The following SALL4 variants were observed in gnomAD, a reference collection of about 807,000 sequenced individuals.
The protein encoded by SALL4 is spalt like transcription factor 4.
In SALL4, 4 loss-of-function variants were observed where a neutral mutation model predicts 60.8. The observed-to-expected ratio is 0.07, with a 90% CI of 0.03 to 0.15. The LOEUF is 0.15. Among genes scored for constraint, SALL4 ranks in the 10% least tolerant of loss-of-function variants. The pLI is 1.00. For synonymous variants in SALL4, 580 were observed against 574.9 expected (o/e 1.01, Z -0.13); for missense variants, 1,178 against 1,394.7 (o/e 0.84, Z 2.48).
chr20:51,793,558 G>C (rs887808532), intron 1 of SALL4, among the ~76,000 whole-genome samples: 1 of 152,178 alleles, frequency 6.6e-6, no homozygotes, highest in Admixed American at 6.5e-5. Flanking sequence ...CTGGATTCAA[G>C]CTATTCTCAT....
chr20:51,791,727 T>C lies in SALL4; in HGVS notation c.756A>G (p.Ala252=), dbSNP rs750216739. The C allele has an allele frequency of 6.2e-7, 1 of 1,614,138 alleles. No individual in the cohort carries two copies. Among genetic ancestry groups the C allele is most frequent in the Non-Finnish European group, 8.5e-7 (1 of 1,180,042 alleles). The change falls in exon 2 of 4, where the codon GCA becomes GCG. Residue 252 remains alanine, a synonymous_variant. Transcript: ENST00000217086. This position sits in a 1 kb window ranked among gnomAD's most constrained non-coding sequence, Gnocchi z 4.6. ...WASHALHSSG[A]GADTLKTLGS... ...CCAAGGTCTTCAGAGTGTCGGCCCC[T>C]GCCCCGCTTGAGTGGAGGGCGTGGG...
intron 2 of SALL4, 36 bp from the exon 3 acceptor site, chr20:51,789,177 C>A: frequency 6.2e-7 from 1 of 1,609,352 alleles, no homozygotes; most frequent in South Asian, 1.1e-5. Flanking sequence ...AGACCTTTAT[C>A]ATCCAACCTT....
chr20:51,793,071 A>C (rs1372924095), intron 1 of SALL4: 3 of 793,614 alleles, frequency 3.8e-6, no homozygotes, highest in Non-Finnish European at 4.6e-6. Flanking sequence ...AAAGAAGTAA[A>C]TTTTGGCCCA....
rs539808334 is a variant in SALL4 at position 51,796,210 on chromosome 20, A to G, written c.131-3858T>C. On this transcript the variant is annotated intron_variant, in intron 1 of 3. Coordinates refer to ENST00000217086, the MANE Select transcript of SALL4 (RefSeq NM_020436.5). ...CAAGACTGTCTCAAAAAAAAAAAAAAAAAGAAAGAAAGAAAGAAAAGAAAA... is the reference window on the plus strand; with the variant it reads ...CAAGACTGTCTCAAAAAAAAAAAAAGAAAGAAAGAAAGAAAGAAAAGAAAA... Among the ~76,000 whole-genome samples the G allele has an allele frequency of 4.9e-3, 723 of 148,542 alleles. 5 individuals carry two copies. The highest frequency in any genetic ancestry group is 0.017 in the African/African-American group (682 of 39,418).
In SALL4 at chr20:51,802,282, G is replaced by C; in HGVS notation, c.127C>G (p.Leu43Val). Residue 43 changes from leucine to valine, a missense_variant, in exon 1 of 4, where the codon CTG becomes GTG. Transcript: ENST00000217086. ...CGGGCGCCCCAGCCCCACTCACCCA[G>C]CTCCCCCGCCGCGGGCGCCGCTGGG... ...AAPAAPAAGE[L>V]GAPVNHPGND... 6.2e-7 allele frequency: 1 copy of C among 1,602,814 alleles called. No homozygotes were observed.
chr20:51,786,760 C>T (rs1229627231), intron 3 of SALL4, among the ~76,000 whole-genome samples: 2 of 152,192 alleles, frequency 1.3e-5, no homozygotes, highest in African/African-American at 4.8e-5. Flanking sequence ...TTCAAAAGTC[C>T]AGTGAAAATC....
intron 3 of SALL4, among the ~76,000 whole-genome samples, chr20:51,786,666 CTA>C (rs2077994938): frequency 1.3e-5 from 2 of 152,224 alleles, no homozygotes; most frequent in Non-Finnish European, 2.9e-5. Context: ...CTTGATTATG[CTA>C]CAATGTTGAT....
chr20:51,799,422 A>C (rs79676117), intron 1 of SALL4, among the ~76,000 whole-genome samples: 11,397 of 152,274 alleles, frequency 0.075, 562 homozygotes, highest in East Asian at 0.18. Context: ...TTAAAAAAGG[A>C]AATGCTAACT....
In SALL4 at chr20:51,782,453, C is replaced by T. The variant is rs2077961292; in HGVS notation, c.*1812G>A. ...CATTATTAGCTCAACAGTGAGAAAGCCACTGGTGTGTTTTCTGTAACAATA... is the reference window on the plus strand; with the variant it reads ...CATTATTAGCTCAACAGTGAGAAAGTCACTGGTGTGTTTTCTGTAACAATA... On this transcript the variant is annotated 3_prime_UTR_variant, in exon 4 of 4. Coordinates refer to ENST00000217086, the MANE Select transcript of SALL4 (RefSeq NM_020436.5). The T allele has an allele frequency of 6.6e-6, 1 of 150,426 alleles. No homozygotes were observed. The highest frequency in any genetic ancestry group is 6.7e-5 in the Admixed American group (1 of 14,928). 9.3% of individuals were successfully genotyped at this position (150,426 alleles called of 1,614,324 possible).
At chr20:51,789,256 G>T in intron 2 of SALL4, 115 bp from the exon 3 acceptor site, 1 of 1,162,516 alleles carries the variant, frequency 8.6e-7, no homozygotes, top group Non-Finnish European at 1.2e-6. Flanking sequence ...GTCTGGAGCT[G>T]GCTTTGTAAG....
chr20:51,801,132 C>A lies in SALL4; in HGVS notation c.130+1147G>T, dbSNP rs1256413235. Among the ~76,000 whole-genome samples the A allele has an allele frequency of 2.0e-5, 3 of 152,090 alleles. No homozygotes were observed. The highest frequency in any genetic ancestry group is 2.9e-5 in the Non-Finnish European group (2 of 68,022). ...AGGCTACAAATCCCCCCTCCCCCCA[C>A]GCGCACGCTAAAAACTTATCAGGCG... On this transcript the variant is annotated intron_variant, in intron 1 of 3. Transcript: ENST00000217086. This position sits in a 1 kb window ranked among gnomAD's most constrained non-coding sequence, Gnocchi z 5.2.
At chr20:51,786,548 A>T (rs1032922150) in intron 3 of SALL4, among the ~76,000 whole-genome samples, 3 of 152,212 alleles carry the variant, frequency 2.0e-5, no homozygotes, top group Non-Finnish European at 2.9e-5. Context: ...TAACATTTTT[A>T]AAATGCACAA....
chr20:51,793,850 G>T (rs2078064281), intron 1 of SALL4, among the ~76,000 whole-genome samples: 1 of 152,192 alleles, frequency 6.6e-6, no homozygotes, highest in East Asian at 1.9e-4. Context: ...ACAATATGAA[G>T]TCTTGCAAGG....
Position 51,790,979 on chromosome 20 carries a change from A to T in SALL4, c.1504T>A (p.Ser502Thr). The T allele has an allele frequency of 1.2e-6, 2 of 1,614,110 alleles. No homozygotes were observed. The highest frequency in any genetic ancestry group is 1.7e-6 in the Non-Finnish European group (2 of 1,180,004). The change falls in exon 2 of 4, where the codon TCC (serine) becomes ACC (threonine). Residue 502 changes from serine (S) to threonine (T), a missense_variant. Coordinates refer to ENST00000217086, the MANE Select transcript of SALL4 (RefSeq NM_020436.5). This position sits in a 1 kb window ranked among gnomAD's most constrained non-coding sequence, Gnocchi z 5.5. ...CCAGGCTGCAGGTCACCGGGCAAGG[A>T]GCCACCCGTGAGGTCCTTGGGATTA... ...GTNPKDLTGG[S>T]LPGDLQPGPS...
intron 2 of SALL4, among the ~76,000 whole-genome samples, 194 bp from the exon 3 acceptor site, chr20:51,789,335 G>T (rs914217062): frequency 1.3e-5 from 2 of 151,554 alleles, no homozygotes; most frequent in East Asian, 1.9e-4. Context: ...TTGGGAAAAG[G>T]TATCACTTTG....
In SALL4 at chr20:51,788,217, A is replaced by G. The variant is rs140876869; in HGVS notation, c.2742+644T>C. Among the ~76,000 whole-genome samples, 1,307 of 151,748 alleles carry G rather than the reference A, an allele frequency of 8.6e-3. 17 individuals carry two copies. Among genetic ancestry groups the G allele is most frequent in the African/African-American group, 0.03 (1,233 of 41,316 alleles). Reference sequence around the variant, plus strand: ...GTTTTCTAAGCTGGAGTGCAGTGGCATGATCACAGATCACTGCAGCCTTGA... The same window carrying G: ...GTTTTCTAAGCTGGAGTGCAGTGGCGTGATCACAGATCACTGCAGCCTTGA... On this transcript the variant is annotated intron_variant, in intron 3 of 3. Transcript: ENST00000217086. This position sits in a 1 kb window ranked among gnomAD's most constrained non-coding sequence, Gnocchi z 4.1.
At position 51,790,151 on chromosome 20, in the gene SALL4, C is replaced by G. The variant is rs764022045; in HGVS notation, c.2332G>C (p.Asp778His). The G allele has an allele frequency of 1.9e-6, 3 of 1,613,998 alleles. No homozygotes were observed. Among genetic ancestry groups the G allele is most frequent in the Non-Finnish European group, 2.5e-6 (3 of 1,180,036 alleles). The change falls in exon 2 of 4, where the codon GAT becomes CAT. Residue 778 changes from aspartate to histidine, a missense_variant. Asp to His is a moderately conservative substitution (Grantham distance 81). Coordinates refer to ENST00000217086, the MANE Select transcript of SALL4 (RefSeq NM_020436.5). This position sits in a 1 kb window ranked among gnomAD's most constrained non-coding sequence, Gnocchi z 5.5. The stretch of plus-strand genomic sequence containing the variant: ...TGGAAGGATGTGGTTTCCAGGATAT[C>G]TGGGCTTCGGCTCTGATACTCCTGG... ...GDQEYQSRSP[D>H]ILETTSFQAL...
rs781393471 is a variant in SALL4, at chr20:51,784,110, A to G, written c.*155T>C. ...GCAGCATAGCAACAATCGTGATTGTAGCACTTGCCTGAGGTTGTGGTCACA... is the reference window on the plus strand; with the variant it reads ...GCAGCATAGCAACAATCGTGATTGTGGCACTTGCCTGAGGTTGTGGTCACA... On this transcript the variant is annotated 3_prime_UTR_variant, in exon 4 of 4. Transcript: ENST00000217086. The G allele has an allele frequency of 4.8e-5, 39 of 804,984 alleles. No homozygotes were observed. The highest frequency in any genetic ancestry group is 7.7e-5 in the Non-Finnish European group (38 of 494,632). The allele number at this position is 804,984 out of a possible 1,614,324, so 49.9% of individuals were successfully genotyped here. A position where few individuals can be genotyped will look rare whatever the true frequency, so the allele number is the denominator to read the frequency against.
intron 1 of SALL4, chr20:51,792,688 CAAAAAAA>C (rs57662451): frequency 5.1e-5 from 9 of 177,210 alleles, no homozygotes; most frequent in Non-Finnish European, 5.7e-5. Context: ...GACTCCATCT[CAAAAAAA>C]AAAAAAAAAA....
Sources: gnomAD v4.1 joint callset for allele counts (sites outside exome capture counted in the v4.1 genomes callset) on GRCh38, gnomAD v4.1.1 for gene constraint, Gnocchi (gnomAD v3.1) non-coding constraint, MANE v1.5 for transcripts, NCBI Gene and HGNC (gene_info 2026-07-23, HGNC 2026-07-21) for gene names.